MYLK3: variants seen among roughly 807,000 people sequenced by gnomAD.
MYLK3 encodes the protein myosin light chain kinase 3.
MYLK3 carries 55 observed loss-of-function variants against 76.3 expected under a neutral mutation model. The ratio of observed to expected loss-of-function variants is 0.72; its 90% CI spans 0.58 to 0.90. The LOEUF (loss-of-function observed/expected upper bound fraction) is 0.90, where lower values mean the gene tolerates loss of function less well. Ranked by LOEUF, MYLK3 falls within the 40% of genes least tolerant of loss-of-function variation. The pLI is 0.00. For synonymous variants in MYLK3, 416 were observed against 425.4 expected, an observed-to-expected ratio of 0.98 and a Z score of 0.27; for missense variants, 973 against 1,053.6, an observed-to-expected ratio of 0.92 and a Z score of 1.06.
At chr16:46,755,906 CTTTTTTT>C (rs772833701) in intron 1 of MYLK3, among the ~76,000 whole-genome samples, 1 of 109,772 alleles carries the variant, frequency 9.1e-6, no homozygotes, top group Non-Finnish European at 1.7e-5. Context: ...TTTTTTCTTT[CTTTTTTT>C]TTTTTTTTTT....
In MYLK3 at chr16:46,745,318, C is replaced by T. The variant is rs1383002346; in HGVS notation, c.477+2399G>A. Among the ~76,000 whole-genome samples, 3 of 152,216 alleles carry T rather than the reference C, an allele frequency of 2.0e-5. No homozygotes were observed. In the East Asian group the frequency reaches 5.8e-4, roughly 29 times the overall value. Reference sequence around the variant, plus strand: ...AACGAGGATCTGGGCTGGTTAACAACTGAAGACACAGCCCCCAAAGGGAGT... The same window carrying T: ...AACGAGGATCTGGGCTGGTTAACAATTGAAGACACAGCCCCCAAAGGGAGT... On this transcript the variant is annotated intron_variant, in intron 1 of 12. Transcript: ENST00000394809.
In MYLK3 at chr16:46,738,085, C is replaced by A; in HGVS notation, c.627G>T (p.Ala209=). 1.3e-6 allele frequency: 2 copies of A among 1,595,598 alleles called. No homozygotes were observed. Among genetic ancestry groups the A allele is most frequent in the Non-Finnish European group, 8.5e-7 (1 of 1,171,156 alleles). Reference sequence around the variant, plus strand: ...GGGCGGGGTCAGCTCCCAGCCCTGACGCTCTGATGGGGGGCAGCCTCTCCG... The same window carrying A: ...GGGCGGGGTCAGCTCCCAGCCCTGAAGCTCTGATGGGGGGCAGCCTCTCCG... The part of the protein sequence containing the change: ...GTAERLPPIR[A]SGLGADPAQA... Residue 209 remains alanine, a synonymous_variant, in exon 3 of 13, where the codon GCG becomes GCT. Transcript: ENST00000394809.
rs956723382 is a variant in MYLK3 at position 46,747,781 on chromosome 16, G to A, written c.413C>T (p.Ala138Val). The A allele has an allele frequency of 1.4e-5, 22 of 1,614,102 alleles. No homozygotes were observed. The highest frequency in any genetic ancestry group is 2.7e-5 in the African/African-American group (2 of 74,946). ...CACACGCCCCTGCATGAGGAAATCC[G>A]CCACCTTTGATTTCTGGAACGTGGC... is the stretch of plus-strand genomic sequence containing the variant. Reference protein sequence around the residue: ...VGATFQKSKVADFLMQGRVPW... With the variant: ...VGATFQKSKVVDFLMQGRVPW... The change falls in exon 1 of 13, where the codon GCG becomes GTG. Residue 138 changes from alanine (A) to valine (V), a missense_variant. Around this residue, in one of 2 missense-constraint regions of MYLK3, gnomAD observed 641 missense variants for 637.0 expected, o/e 1.01. Coordinates refer to ENST00000394809, the MANE Select transcript of MYLK3 (RefSeq NM_182493.3).
At chr16:46,734,840 C>A (rs1029262763) in intron 3 of MYLK3, among the ~76,000 whole-genome samples, 3 of 152,100 alleles carry the variant, frequency 2.0e-5, no homozygotes, top group Non-Finnish European at 4.4e-5. Context: ...TGAGTGTACA[C>A]TTTTAAAAGG....
intron 3 of MYLK3, among the ~76,000 whole-genome samples, chr16:46,734,031 G>A (rs1216985244): frequency 6.6e-6 from 1 of 152,074 alleles, no homozygotes; most frequent in African/African-American, 2.4e-5. Context: ...TAGGATTACC[G>A]CATGTTTCAG....
Position 46,707,349 on chromosome 16 carries a change from C to T in MYLK3, c.*355G>A, listed in dbSNP as rs538902340. The T allele has an allele frequency of 2.2e-5, 4 of 178,030 alleles. No individual in the cohort carries two copies. The highest frequency in any genetic ancestry group is 4.7e-5 in the Non-Finnish European group (4 of 85,604). The allele number at this position is 178,030 out of a possible 1,614,324, so 11.0% of individuals were successfully genotyped here. A position where few individuals can be genotyped will look rare whatever the true frequency, so the allele number is the denominator to read the frequency against. On this transcript the variant is annotated 3_prime_UTR_variant, in exon 13 of 13. Coordinates refer to ENST00000394809, the MANE Select transcript of MYLK3 (RefSeq NM_182493.3). ...AGGAGATAACACTGAATAACATGGC[C>T]CCTGCAAAGTAGTCTACTGAGTTCC...
At chr16:46,709,854 G>T (rs760953077) in intron 11 of MYLK3, among the ~76,000 whole-genome samples, 183 bp from the exon 12 acceptor site, 1 of 152,186 alleles carries the variant, frequency 6.6e-6, no homozygotes, top group Non-Finnish European at 1.5e-5. Context: ...GTGCCAGAAG[G>T]TCGTCAGCAA....
upstream of MYLK3, chr16:46,748,457 C>T: frequency 2.0e-6 from 1 of 497,834 alleles, no homozygotes; most frequent in Non-Finnish European, 3.4e-6. This position sits in a 1 kb window ranked among gnomAD's most constrained non-coding sequence, Gnocchi z 4.3. Context: ...CCTTGGGGCC[C>T]CTTTGACATC....
intron 1 of MYLK3, chr16:46,762,925 TGTC>T (rs1407794841): frequency 1.2e-6 from 1 of 809,184 alleles, no homozygotes; most frequent in Non-Finnish European, 1.5e-6. Context: ...TCATTTTTCT[TGTC>T]GTTTTTGATC....
intron 10 of MYLK3, among the ~76,000 whole-genome samples, chr16:46,712,157 A>AT (rs910571011): frequency 4.0e-5 from 6 of 151,330 alleles, no homozygotes; most frequent in African/African-American, 1.2e-4. Context: ...TGCCCAACTA[A>AT]TTTTTTTTGG....
At chr16:46,744,581 A>AT (rs1966990433) in intron 1 of MYLK3, among the ~76,000 whole-genome samples, 1 of 151,828 alleles carries the variant, frequency 6.6e-6, no homozygotes. Context: ...ACCTCAGGTG[A>AT]TCCCCCCACC....
intron 4 of MYLK3, among the ~76,000 whole-genome samples, chr16:46,731,648 C>T (rs1966852751): frequency 6.6e-6 from 1 of 152,176 alleles, no homozygotes; most frequent in Admixed American, 6.5e-5. Flanking sequence ...CATAAGAACA[C>T]ACCCTGGGTC....
At chr16:46,741,667 A>G (rs955791220) in intron 1 of MYLK3, among the ~76,000 whole-genome samples, 14 of 151,972 alleles carry the variant, frequency 9.2e-5, no homozygotes, top group African/African-American at 3.4e-4. Context: ...AGTGCCTTAC[A>G]CCTGGGGGCC....
In MYLK3 at chr16:46,737,916, G is replaced by A. The variant is rs369427292; in HGVS notation, c.796C>T (p.Pro266Ser). 9 of 1,614,194 alleles carry A rather than the reference G, an allele frequency of 5.6e-6. No homozygotes were observed. Among genetic ancestry groups the A allele is most frequent in the East Asian group, 2.2e-5 (1 of 44,890 alleles). The change falls in exon 3 of 13, where the codon CCA (proline) becomes TCA (serine). Residue 266 changes from proline to serine, a missense_variant. By Grantham distance (74) the Pro-to-Ser change is moderately conservative. Coordinates refer to ENST00000394809, the MANE Select transcript of MYLK3 (RefSeq NM_182493.3). ...ACCACATTGACCCTGCCGGGTGCTGGAGCCAATTCCAGGCCAGTCCTGAGG... is the reference window on the plus strand; with the variant it reads ...ACCACATTGACCCTGCCGGGTGCTGAAGCCAATTCCAGGCCAGTCCTGAGG... ...ENLRTGLELA[P>S]APGRVNVVSP...
intron 1 of MYLK3, among the ~76,000 whole-genome samples, chr16:46,740,553 T>TATA (rs1316569378): frequency 0.14 from 12,096 of 87,774 alleles, 483 homozygotes; most frequent in East Asian, 0.25. Context: ...ATATATATAT[T>TATA]TTTTTTTTTT....
rs1161226880 is a variant in MYLK3, at chr16:46,748,041, C to A, written c.153G>T (p.Gln51His). The change falls in exon 1 of 13, where the codon CAG becomes CAT. Residue 51 changes from glutamine (Q) to histidine (H), a missense_variant. Transcript: ENST00000394809. The surrounding 1 kb of genome is among the most constrained non-coding windows in gnomAD (Gnocchi z 4.3). ...HFQEDVTEKL[Q>H]SMCRDMGHLE... ...GGTGGCCCATGTCTCGGCACATGCT[C>A]TGCAACTTCTCTGTGACATCTTCTT... 1 of 1,614,170 alleles carries A rather than the reference C, an allele frequency of 6.2e-7. No homozygotes were observed. The highest frequency in any genetic ancestry group is 1.3e-5 in the African/African-American group (1 of 75,072).
Position 46,732,309 on chromosome 16 carries a change from C to A in MYLK3, c.1361G>T (p.Gly454Val). 1.9e-6 allele frequency: 3 copies of A among 1,611,338 alleles called. No individual in the cohort carries two copies. Among genetic ancestry groups the A allele is most frequent in the Non-Finnish European group, 2.5e-6 (3 of 1,180,032 alleles). The change falls in exon 4 of 13, where the codon GGA becomes GTA. Residue 454 changes from glycine (G) to valine (V), a missense_variant. This residue lies in a region of MYLK3 where 641 missense variants were observed against 637.0 expected (regional missense o/e 1.01). Transcript: ENST00000394809. ...ACAGTCCTGCTCAGGCTCAGGGTTT[C>A]CCGCCCCTGGGCTTTTGCCCTGCTG... is the stretch of plus-strand genomic sequence containing the variant. ...GLQQGKSPGA[G>V]NPEPEQDCAA... is the part of the protein sequence containing the mutation.
chr16:46,711,552 C>T (rs988210796), intron 10 of MYLK3: 5 of 309,918 alleles, frequency 1.6e-5, no homozygotes, highest in Non-Finnish European at 2.6e-5. Context: ...ATTCTGTCAC[C>T]CAGGCTGGAG....
At chr16:46,744,504 G>A (rs991423802) in intron 1 of MYLK3, among the ~76,000 whole-genome samples, 1 of 151,230 alleles carries the variant, frequency 6.6e-6, no homozygotes, top group African/African-American at 2.4e-5. Flanking sequence ...ACCATGCCCA[G>A]CTAATTTTTG....
Sources: gnomAD v4.1 joint callset for allele counts (sites outside exome capture counted in the v4.1 genomes callset) on GRCh38, gnomAD v4.1.1 for gene constraint, gnomAD v4.1.1 regional missense constraint, Gnocchi (gnomAD v3.1) non-coding constraint, MANE v1.5 for transcripts, NCBI Gene and HGNC (gene_info 2026-07-23, HGNC 2026-07-21) for gene names.